The following FOXP2 variants were observed in gnomAD, a reference collection of about 807,000 sequenced individuals.
FOXP2 encodes forkhead box protein P2.
FOXP2 carries 12 observed loss-of-function variants against 115.8 expected under a neutral mutation model. The observed-to-expected ratio is 0.10, with a 90% CI of 0.07 to 0.17. FOXP2 has a LOEUF of 0.17. FOXP2 is among the 10% of genes least tolerant of loss of function. The pLI is 1.00. For missense variants in FOXP2, 629 were observed against 843.5 expected (o/e 0.75, Z 3.15); for synonymous variants, 328 against 297.7 (o/e 1.10, Z -1.05).
intron 2 of FOXP2, among the ~76,000 whole-genome samples, chr7:114,443,621 T>C (rs2129213904): frequency 6.6e-6 from 1 of 152,294 alleles, no homozygotes; most frequent in East Asian, 1.9e-4. Flanking sequence ...TTCCCAACTT[T>C]GTCCATATGT....
At chr7:114,479,473 A>G (rs1796428479) in intron 2 of FOXP2, among the ~76,000 whole-genome samples, 1 of 151,222 alleles carries the variant, frequency 6.6e-6, no homozygotes, top group South Asian at 2.1e-4. Context: ...CATATGTTCA[A>G]GGCACAAAGT....
intron 10 of FOXP2, among the ~76,000 whole-genome samples, chr7:114,657,209 A>T (rs915832833): frequency 6.6e-6 from 1 of 152,180 alleles, no homozygotes; most frequent in African/African-American, 2.4e-5. Flanking sequence ...TTTGATAATG[A>T]AGAACAGGGC....
At chr7:114,672,425 A>C (rs1031415770) in intron 16 of FOXP2, among the ~76,000 whole-genome samples, 1 of 152,142 alleles carries the variant, frequency 6.6e-6, no homozygotes, top group African/African-American at 2.4e-5. Context: ...TCTCTACTAA[A>C]AATACAAAAA....
At chr7:114,152,426 C>T (rs1792551387) in intron 1 of FOXP2, among the ~76,000 whole-genome samples, 1 of 152,142 alleles carries the variant, frequency 6.6e-6, no homozygotes, top group Non-Finnish European at 1.5e-5. Flanking sequence ...AGTGTTTGCC[C>T]ATCAGAGCAC....
chr7:114,266,515 G>T (rs995504849), intron 1 of FOXP2, among the ~76,000 whole-genome samples: 9 of 152,152 alleles, frequency 5.9e-5, no homozygotes, highest in African/African-American at 1.9e-4. Context: ...AAGCAAGAGA[G>T]AGAGTTGGGG....
intron 2 of FOXP2, among the ~76,000 whole-genome samples, chr7:114,300,792 A>G (rs527284740): frequency 6.6e-6 from 1 of 152,104 alleles, no homozygotes; most frequent in South Asian, 2.1e-4. Context: ...TTTTCAAAAC[A>G]TGTAAATGTT....
At chr7:114,217,797 C>T (rs1794523506) in intron 1 of FOXP2, among the ~76,000 whole-genome samples, 3 of 152,174 alleles carry the variant, frequency 2.0e-5, no homozygotes, top group Admixed American at 2.0e-4. Flanking sequence ...CAGTTATTTC[C>T]ATGACTTGTT....
At chr7:114,288,828 C>T (rs531270293) in intron 2 of FOXP2, among the ~76,000 whole-genome samples, 2 of 151,716 alleles carry the variant, frequency 1.3e-5, no homozygotes, top group South Asian at 4.2e-4. Flanking sequence ...TTAAAGGAAA[C>T]CTAAAAGCAA....
chr7:114,313,208 C>T, intron 2 of FOXP2, among the ~76,000 whole-genome samples: 1 of 152,266 alleles, frequency 6.6e-6, no homozygotes, highest in South Asian at 2.1e-4. Context: ...CTAAAAGACA[C>T]CACTATGAAC....
chr7:114,225,956 A>G (rs1348361681), intron 1 of FOXP2, among the ~76,000 whole-genome samples: 2 of 152,154 alleles, frequency 1.3e-5, no homozygotes, highest in Non-Finnish European at 2.9e-5. Context: ...CTGAAAGGAT[A>G]ATTGGCCCAA....
At chr7:114,369,630 A>C (rs1791957145) in intron 2 of FOXP2, among the ~76,000 whole-genome samples, 1 of 152,204 alleles carries the variant, frequency 6.6e-6, no homozygotes, top group African/African-American at 2.4e-5. Flanking sequence ...AAAGTTAACC[A>C]GTAAACAATT....
chr7:114,093,162 A>G (rs924198009), intron 1 of FOXP2, among the ~76,000 whole-genome samples: 1 of 152,118 alleles, frequency 6.6e-6, no homozygotes, highest in African/African-American at 2.4e-5. Context: ...CATTTGGCCT[A>G]CTGTGGACAT....
chr7:114,106,797 C>G (rs1403557579), intron 1 of FOXP2, among the ~76,000 whole-genome samples: 2 of 151,880 alleles, frequency 1.3e-5, no homozygotes, highest in Non-Finnish European at 2.9e-5. Flanking sequence ...TTAGATGTGG[C>G]AAAACTAAAT....
At chr7:114,278,003 G>A (rs1293882250) in intron 1 of FOXP2, among the ~76,000 whole-genome samples, 2 of 147,132 alleles carry the variant, frequency 1.4e-5, no homozygotes, top group African/African-American at 5.0e-5. Context: ...CTCTAGCCTG[G>A]GCGAAAGAGT....
At chr7:114,496,801 T>A (rs988868587) in intron 2 of FOXP2, among the ~76,000 whole-genome samples, 1 of 152,192 alleles carries the variant, frequency 6.6e-6, no homozygotes, top group African/African-American at 2.4e-5. Context: ...ATCAAATTGC[T>A]ATTTCACTGT....
At chr7:114,558,042 C>G (rs1046102372) in intron 3 of FOXP2, among the ~76,000 whole-genome samples, 13 of 152,100 alleles carry the variant, frequency 8.5e-5, no homozygotes, top group African/African-American at 2.9e-4. Flanking sequence ...CTCCTGACCT[C>G]GTGATCCACC....
chr7:114,590,209 T>C (rs1468106059), intron 3 of FOXP2, among the ~76,000 whole-genome samples: 1 of 152,176 alleles, frequency 6.6e-6, no homozygotes, highest in African/African-American at 2.4e-5. Flanking sequence ...TTGGTTCTGG[T>C]AGTTTTGATT....
chr7:114,666,675 A>G (rs1287432258), intron 16 of FOXP2: 2 of 152,174 alleles, frequency 1.3e-5, no homozygotes, highest in African/African-American at 2.4e-5. Context: ...AGTTGTGCTG[A>G]TGCAATTGTA....
chr7:114,317,641 G>A (rs906813239), intron 2 of FOXP2, among the ~76,000 whole-genome samples: 3 of 152,044 alleles, frequency 2.0e-5, no homozygotes, highest in African/African-American at 7.3e-5. Context: ...GTTCAGCACA[G>A]CAGTTAAAGA....
Sources: gnomAD v4.1 joint callset for allele counts (sites outside exome capture counted in the v4.1 genomes callset) on GRCh38, gnomAD v4.1.1 for gene constraint, MANE v1.5 for transcripts, NCBI Gene and HGNC (gene_info 2026-07-23, HGNC 2026-07-21) for gene names.